Variants in PMP22 observed in about 807,000 individuals in gnomAD.
PMP22 encodes the protein peripheral myelin protein 22, also known as Charcot-Marie-Tooth neuropathy 1A (greatly reduced nerve conduction velocity, hereditary motor sensory neuropathy Ia).
Under a neutral mutation model 18.9 loss-of-function variants are expected in PMP22, and 2 were observed. The observed-to-expected ratio is 0.11, with a 90% CI of 0.04 to 0.33. PMP22 has a LOEUF of 0.33. PMP22 is among the 10% of genes least tolerant of loss of function. PMP22 has a pLI of 1.00. For synonymous variants in PMP22, 95 were observed against 89.2 expected (o/e 1.07, Z -0.37); for missense variants, 169 against 202.2 (o/e 0.84, Z 1.00).
intron 1 of PMP22, among the ~76,000 whole-genome samples, chr17:15,264,719 C>A (rs1405701276): frequency 6.6e-6 from 1 of 152,162 alleles, no homozygotes; most frequent in Non-Finnish European, 1.5e-5. Flanking sequence ...CTGCCTGGTT[C>A]TCAATGGTGG....
At position 15,259,173 on chromosome 17, in the gene PMP22, T is replaced by A; in HGVS notation, c.99A>T (p.Gly33=). ...AGTTCTGCCAGAGATCAGTTGCGTG[T>A]CCATTGCCCACGATCCATTGCTAGA... ...TIVSQWIVGN[G]HATDLWQNCS... is the part of the protein sequence containing the mutation. The change falls in exon 3 of 5, where the codon GGA becomes GGT. Residue 33 remains glycine, a synonymous_variant. Coordinates refer to ENST00000312280, the MANE Select transcript of PMP22 (RefSeq NM_000304.4). 6.2e-7 allele frequency: 1 copy of A among 1,613,404 alleles called. No homozygotes were observed. The highest frequency in any genetic ancestry group is 8.5e-7 in the Non-Finnish European group (1 of 1,179,358).
At position 15,259,170 on chromosome 17, in the gene PMP22, G is replaced by C. The variant is rs779654897; in HGVS notation, c.102C>G (p.His34Gln). ...TACAGTTCTGCCAGAGATCAGTTGCGTGTCCATTGCCCACGATCCATTGCT... is the reference window on the plus strand; with the variant it reads ...TACAGTTCTGCCAGAGATCAGTTGCCTGTCCATTGCCCACGATCCATTGCT... ...IVSQWIVGNG[H>Q]ATDLWQNCST... is the part of the protein sequence containing the mutation. The change falls in exon 3 of 5, where the codon CAC becomes CAG. Residue 34 changes from histidine (H) to glutamine (Q), a missense_variant. His to Gln is a conservative substitution (Grantham distance 24). Transcript: ENST00000312280. The C allele has an allele frequency of 6.2e-7, 1 of 1,613,380 alleles. No homozygotes were observed. Among genetic ancestry groups the C allele is most frequent in the Non-Finnish European group, 8.5e-7 (1 of 1,179,334 alleles).
At chr17:15,260,008 A>G (rs77358647) in intron 2 of PMP22, among the ~76,000 whole-genome samples, 1 of 152,242 alleles carries the variant, frequency 6.6e-6, no homozygotes, top group Middle Eastern at 3.4e-3. Context: ...AATGTGCCTT[A>G]AATTAAGAAG....
At chr17:15,244,319 GAAT>G (rs956195094) in intron 3 of PMP22, among the ~76,000 whole-genome samples, 3 of 152,060 alleles carry the variant, frequency 2.0e-5, no homozygotes, top group Non-Finnish European at 4.4e-5. Context: ...CCATTCACAG[GAAT>G]AATAATAATA....
At chr17:15,247,213 C>T (rs1321184704) in intron 3 of PMP22, among the ~76,000 whole-genome samples, 1 of 150,590 alleles carries the variant, frequency 6.6e-6, no homozygotes, top group Non-Finnish European at 1.5e-5. Flanking sequence ...ACTAAAAATA[C>T]AAAAAATTAG....
In PMP22 at chr17:15,259,142, T is replaced by G; in HGVS notation, c.130A>C (p.Thr44Pro). ...HATDLWQNCSTSSSGNVHHCF... is the reference protein window; with the variant it reads ...HATDLWQNCSPSSSGNVHHCF... ...TGGTGGACATTTCCTGAGGAAGAGG[T>G]GCTACAGTTCTGCCAGAGATCAGTT... is the stretch of plus-strand genomic sequence containing the variant. The change falls in exon 3 of 5, where the codon ACC (threonine) becomes CCC (proline). Residue 44 changes from threonine to proline, a missense_variant. Transcript: ENST00000312280. 6.2e-7 allele frequency: 1 copy of G among 1,613,920 alleles called. No individual in the cohort carries two copies. Among genetic ancestry groups the G allele is most frequent in the Non-Finnish European group, 8.5e-7 (1 of 1,179,890 alleles).
At chr17:15,242,177 C>A (rs1246317104) in intron 3 of PMP22, among the ~76,000 whole-genome samples, 3 of 141,192 alleles carry the variant, frequency 2.1e-5, no homozygotes, top group Admixed American at 7.7e-5. Flanking sequence ...CGCTTGAACT[C>A]AGGAGGTGGA....
intron 4 of PMP22, 121 bp from the exon 5 acceptor site, chr17:15,231,201 T>C: frequency 1.0e-6 from 1 of 985,624 alleles, no homozygotes; most frequent in South Asian, 1.4e-5. Flanking sequence ...TGGAAGGAAA[T>C]CTGCTTCCAG....
intron 3 of PMP22, among the ~76,000 whole-genome samples, chr17:15,250,343 C>G (rs1359321216): frequency 6.6e-6 from 1 of 152,040 alleles, no homozygotes; most frequent in Non-Finnish European, 1.5e-5. Flanking sequence ...AGCTCTGAAC[C>G]CTGTTCCCCT....
chr17:15,253,861 T>C (rs1258247217), intron 3 of PMP22, among the ~76,000 whole-genome samples: 1 of 152,214 alleles, frequency 6.6e-6, no homozygotes, highest in Admixed American at 6.5e-5. Context: ...TCTTATATAG[T>C]TCTTACCATT....
Position 15,239,484 on chromosome 17 carries a change from G to A in PMP22, c.306C>T (p.Phe102=). ...KGGRFYITGI[F]QILAGLCVMS... ...TCCACAACTTACCAGCAAGAATTTG[G>A]AAGATTCCAGTGATGTAAAACCTGC... Residue 102 remains phenylalanine, a synonymous_variant, in exon 4 of 5, where the codon TTC becomes TTT. Coordinates refer to ENST00000312280, the MANE Select transcript of PMP22 (RefSeq NM_000304.4). 1.2e-6 allele frequency: 2 copies of A among 1,614,228 alleles called. No individual in the cohort carries two copies. Among genetic ancestry groups the A allele is most frequent in the Non-Finnish European group, 1.7e-6 (2 of 1,180,036 alleles).
At chr17:15,239,272 A>T in intron 4 of PMP22, 199 bp downstream of exon 4, 1 of 648,184 alleles carries the variant, frequency 1.5e-6, no homozygotes, top group East Asian at 2.7e-5. Flanking sequence ...AGAAGGGGAG[A>T]GTTCTAAGTC....
At chr17:15,247,085 AAAG>A (rs1232201404) in intron 3 of PMP22, among the ~76,000 whole-genome samples, 1 of 126,660 alleles carries the variant, frequency 7.9e-6, no homozygotes, top group East Asian at 2.5e-4. Context: ...AAAAAAAAAA[AAAG>A]GCCGGGCGCC....
At chr17:15,234,250 C>A (rs904093376) in intron 4 of PMP22, among the ~76,000 whole-genome samples, 1 of 152,042 alleles carries the variant, frequency 6.6e-6, no homozygotes, top group Non-Finnish European at 1.5e-5. Flanking sequence ...GGGAACACAG[C>A]GATGTCTCAG....
intron 3 of PMP22, 60 bp from the exon 4 acceptor site, chr17:15,239,671 C>G: frequency 6.3e-7 from 1 of 1,588,650 alleles, no homozygotes; most frequent in Admixed American, 1.7e-5. Flanking sequence ...GGCTCTGCCT[C>G]GAGGTGCAGG....
chr17:15,249,306 T>G (rs1436328796), intron 3 of PMP22, among the ~76,000 whole-genome samples: 2 of 152,042 alleles, frequency 1.3e-5, no homozygotes, highest in East Asian at 3.9e-4. Context: ...TACCTCAACT[T>G]CAGGTCCTAC....
intron 1 of PMP22, among the ~76,000 whole-genome samples, chr17:15,263,494 G>C (rs1477370874): frequency 6.6e-6 from 1 of 152,064 alleles, no homozygotes; most frequent in Admixed American, 6.5e-5. Context: ...ACTCCCGTGC[G>C]CAGGCCAGCC....
rs186186934 is a variant in PMP22 at position 15,261,016 on chromosome 17, A to C, written c.-34-255T>G. 7.6e-4 allele frequency: 183 copies of C among 242,262 alleles called. 1 individual carries two copies. Among genetic ancestry groups the C allele is most frequent in the South Asian group, 6.6e-3 (46 of 6,952 alleles). 15.0% of individuals were successfully genotyped at this position (242,262 alleles called of 1,614,324 possible). On this transcript the variant is annotated intron_variant, in intron 1 of 4. Coordinates refer to ENST00000312280, the MANE Select transcript of PMP22 (RefSeq NM_000304.4). The surrounding 1 kb of genome is among the most constrained non-coding windows in gnomAD (Gnocchi z 5.2). ...GGAACATCTTTTGCTTTTGGAAACA[A>C]AACAAGCGGTTCGCACGTCTAAAAC... is the stretch of plus-strand genomic sequence containing the variant.
chr17:15,242,126 C>T (rs965550804), intron 3 of PMP22, among the ~76,000 whole-genome samples: 4 of 151,656 alleles, frequency 2.6e-5, no homozygotes, highest in Admixed American at 2.6e-4. Flanking sequence ...TGCTGGTGGA[C>T]ACCTATAGTC....
Sources: gnomAD v4.1 joint callset for allele counts (sites outside exome capture counted in the v4.1 genomes callset) on GRCh38, gnomAD v4.1.1 for gene constraint, Gnocchi (gnomAD v3.1) non-coding constraint, MANE v1.5 for transcripts, NCBI Gene and HGNC (gene_info 2026-07-23, HGNC 2026-07-21) for gene names.